Variants in GPATCH2 observed in about 807,000 individuals in gnomAD.
GPATCH2 encodes the protein G patch domain-containing protein 2.
Under a neutral mutation model 58.0 loss-of-function variants are expected in GPATCH2, and 51 were observed. The observed-to-expected ratio is 0.88, with a 90% confidence interval of 0.70 to 1.11. The LOEUF is 1.11. Ranked by LOEUF, GPATCH2 falls within the 50% of genes most tolerant of loss-of-function variation. The probability of loss-of-function intolerance (pLI) is 0.00; values close to 1 mark genes in which losing one functional copy is unlikely to be tolerated. For missense variants in GPATCH2, 625 were observed against 652.2 expected, an observed-to-expected ratio of 0.96 and a Z score of 0.45; for synonymous variants, 222 against 218.5, an observed-to-expected ratio of 1.02 and a Z score of -0.14.
chr1:217,473,574 A>G (rs1286030076), intron 8 of GPATCH2, among the ~76,000 whole-genome samples: 1 of 152,168 alleles, frequency 6.6e-6, no homozygotes, highest in Admixed American at 6.5e-5. Context: ...TATTAGATAG[A>G]TAAGAGGCAA....
At chr1:217,451,341 C>T (rs1242133237) in intron 8 of GPATCH2, among the ~76,000 whole-genome samples, 3 of 152,074 alleles carry the variant, frequency 2.0e-5, no homozygotes, top group Non-Finnish European at 2.9e-5. Flanking sequence ...TGTAGCTAAC[C>T]GAAAGCAATG....
At chr1:217,588,252 G>A (rs1044549102) in intron 5 of GPATCH2, among the ~76,000 whole-genome samples, 1 of 152,080 alleles carries the variant, frequency 6.6e-6, no homozygotes, top group Admixed American at 6.5e-5. Context: ...GCTTTTCTCA[G>A]AAGCATAGGA....
chr1:217,536,073 T>C (rs545386782), intron 5 of GPATCH2, among the ~76,000 whole-genome samples: 4 of 152,168 alleles, frequency 2.6e-5, no homozygotes, highest in African/African-American at 4.8e-5. Context: ...TTAGTATTTA[T>C]TTACTTGTTT....
intron 5 of GPATCH2, among the ~76,000 whole-genome samples, chr1:217,531,656 G>T (rs1031360945): frequency 6.6e-6 from 1 of 152,124 alleles, no homozygotes; most frequent in African/African-American, 2.4e-5. Context: ...AAATGAAAGA[G>T]ATGCTCATTA....
rs1162358484 is a variant in GPATCH2, at chr1:217,614,212, G to A, written c.774-10C>T. 1 of 1,518,310 alleles carries A rather than the reference G, an allele frequency of 6.6e-7. No individual in the cohort carries two copies. Among genetic ancestry groups the A allele is most frequent in the Non-Finnish European group, 9.1e-7 (1 of 1,098,088 alleles). The allele number at this position is 1,518,310 out of a possible 1,614,324, so 94.1% of individuals were successfully genotyped here. On this transcript the variant is annotated splice_polypyrimidine_tract_variant and intron_variant, in intron 2 of 9. Coordinates refer to ENST00000366935, the MANE Select transcript of GPATCH2 (RefSeq NM_018040.5). ...GAGACTGCTGGAATCACTGTAATAA[G>A]GAAAAAGAAAGAAACAGATCAAAAG...
rs140888248 is a variant in GPATCH2, at chr1:217,565,100, C to A, written c.1098+45221G>T. Among the ~76,000 whole-genome samples the A allele has an allele frequency of 3.7e-3, 560 of 152,200 alleles. 2 individuals carry two copies. Among genetic ancestry groups the A allele is most frequent in the Non-Finnish European group, 6.2e-3 (420 of 67,990 alleles). On this transcript the variant is annotated intron_variant, in intron 5 of 9. Transcript: ENST00000366935. ...TTACATTCAACTCTAAAAGGTAATG[C>A]TAATTTGACTAATGATTTATTATTT...
At chr1:217,432,187 T>C (rs1658573469) in intron 9 of GPATCH2, among the ~76,000 whole-genome samples, 1 of 152,058 alleles carries the variant, frequency 6.6e-6, no homozygotes, top group Admixed American at 6.5e-5. Context: ...CCTTGATTCC[T>C]TATTTGAAAA....
intron 9 of GPATCH2, among the ~76,000 whole-genome samples, chr1:217,435,960 T>G (rs1658806505): frequency 6.6e-6 from 1 of 152,188 alleles, no homozygotes; most frequent in East Asian, 1.9e-4. Context: ...AAAATCAGTT[T>G]AAATAGTTAA....
At chr1:217,564,859 T>G (rs941488487) in intron 5 of GPATCH2, among the ~76,000 whole-genome samples, 3 of 152,188 alleles carry the variant, frequency 2.0e-5, no homozygotes, top group African/African-American at 7.2e-5. Flanking sequence ...TGGCTCTAAG[T>G]GTTAAGTTTT....
At chr1:217,483,795 G>T (rs2998901) in intron 8 of GPATCH2, among the ~76,000 whole-genome samples, 86,011 of 152,006 alleles carry the variant, frequency 0.57, 25,066 homozygotes, top group African/African-American at 0.68. Flanking sequence ...GAGGTGTCCA[G>T]TCAAACTTTT....
chr1:217,607,165 T>A (rs2102806677), intron 5 of GPATCH2, among the ~76,000 whole-genome samples: 1 of 152,320 alleles, frequency 6.6e-6, no homozygotes, highest in Non-Finnish European at 1.5e-5. Context: ...AAAATTTATT[T>A]GTTAACCCCA....
At position 217,579,838 on chromosome 1, in the gene GPATCH2, C is replaced by T. The variant is rs183599205; in HGVS notation, c.1098+30483G>A. On this transcript the variant is annotated intron_variant, in intron 5 of 9. Transcript: ENST00000366935. ...ACAACTACAGGCTATTGTGATCTTACCAAATGAAATGAGAAAAGTAAAAGA... is the reference window on the plus strand; with the variant it reads ...ACAACTACAGGCTATTGTGATCTTATCAAATGAAATGAGAAAAGTAAAAGA... Among the ~76,000 whole-genome samples, 671 of 152,204 alleles carry T rather than the reference C, an allele frequency of 4.4e-3. 2 individuals are homozygous for T. The highest frequency in any genetic ancestry group is 7.4e-3 in the Non-Finnish European group (506 of 67,998).
intron 1 of GPATCH2, among the ~76,000 whole-genome samples, chr1:217,624,529 A>G (rs138321553): frequency 1.8e-4 from 28 of 152,330 alleles, no homozygotes; most frequent in African/African-American, 5.8e-4. Flanking sequence ...CTGGCCCATC[A>G]AAAACAAAGT....
intron 8 of GPATCH2, among the ~76,000 whole-genome samples, chr1:217,465,022 T>G (rs1308332684): frequency 6.6e-6 from 1 of 151,654 alleles, no homozygotes; most frequent in African/African-American, 2.4e-5. Context: ...CTAGAGAGGT[T>G]GAGAAATAAA....
At chr1:217,597,802 T>C (rs189201953) in intron 5 of GPATCH2, among the ~76,000 whole-genome samples, 31 of 152,222 alleles carry the variant, frequency 2.0e-4, no homozygotes, top group Admixed American at 2.6e-4. Context: ...CCACCCCAAA[T>C]AACAAAGGCA....
chr1:217,605,705 A>C (rs1303097876), intron 5 of GPATCH2, among the ~76,000 whole-genome samples: 1 of 152,218 alleles, frequency 6.6e-6, no homozygotes, highest in Non-Finnish European at 1.5e-5. Context: ...AATTTTAAAA[A>C]GCTCTGACCT....
Position 217,582,045 on chromosome 1 carries a change from T to G in GPATCH2, c.1098+28276A>C, listed in dbSNP as rs183384239. On this transcript the variant is annotated intron_variant, in intron 5 of 9. Coordinates refer to ENST00000366935, the MANE Select transcript of GPATCH2 (RefSeq NM_018040.5). ...ACCCGTGGTCACTGGTAGGTAGGAA[T>G]CAAGAAGTAAAAAGTAAAAGTAATA... Among the ~76,000 whole-genome samples the G allele has an allele frequency of 2.6e-5, 4 of 152,260 alleles. No individual in the cohort carries two copies. In the East Asian group the frequency reaches 7.7e-4, roughly 29 times the overall value.
chr1:217,522,572 A>G (rs1255195052), intron 5 of GPATCH2, among the ~76,000 whole-genome samples: 2 of 152,230 alleles, frequency 1.3e-5, no homozygotes, highest in African/African-American at 4.8e-5. Flanking sequence ...ACATATGTTT[A>G]CGTAAAATCC....
intron 8 of GPATCH2, among the ~76,000 whole-genome samples, chr1:217,486,928 T>C (rs1487665983): frequency 6.6e-6 from 1 of 152,196 alleles, no homozygotes; most frequent in African/African-American, 2.4e-5. Context: ...ATGAAGCTCC[T>C]CAAAAACAGC....
Sources: gnomAD v4.1 joint callset for allele counts (sites outside exome capture counted in the v4.1 genomes callset) on GRCh38, gnomAD v4.1.1 for gene constraint, MANE v1.5 for transcripts, NCBI Gene and HGNC (gene_info 2026-07-23, HGNC 2026-07-21) for gene names.